RALGAPA2: variants seen among roughly 807,000 people sequenced by gnomAD.
RALGAPA2 encodes the protein Ral GTPase activating protein catalytic subunit alpha 2.
Under a neutral mutation model 230.4 loss-of-function variants are expected in RALGAPA2, and 139 were observed. The observed-to-expected ratio is 0.60, with a 90% CI of 0.53 to 0.69. The LOEUF (loss-of-function observed/expected upper bound fraction) is 0.69, where lower values mean the gene tolerates loss of function less well. Ranked by LOEUF, RALGAPA2 falls within the 30% of genes least tolerant of loss-of-function variation. The pLI is 0.00. For synonymous variants in RALGAPA2, 847 were observed against 837.8 expected, an observed-to-expected ratio of 1.01 and a Z score of -0.19; for missense variants, 2,163 against 2,276.0, an observed-to-expected ratio of 0.95 and a Z score of 1.01.
chr20:20,642,882 A>G (rs1238692382), intron 5 of RALGAPA2, among the ~76,000 whole-genome samples: 1 of 152,232 alleles, frequency 6.6e-6, no homozygotes, highest in Non-Finnish European at 1.5e-5. Flanking sequence ...CAAGTGAATT[A>G]CCTTTCATAA....
intron 20 of RALGAPA2, among the ~76,000 whole-genome samples, chr20:20,574,038 G>A (rs1156995686): frequency 6.6e-6 from 1 of 152,156 alleles, no homozygotes; most frequent in Non-Finnish European, 1.5e-5. Context: ...TGTCCAAAGT[G>A]CTGTTACGGT....
intron 31 of RALGAPA2, among the ~76,000 whole-genome samples, chr20:20,516,220 C>T (rs1341154283): frequency 2.0e-5 from 3 of 152,224 alleles, no homozygotes; most frequent in Non-Finnish European, 4.4e-5. Context: ...TCAACCCTAT[C>T]CCCACCTGTT....
rs182005214 is a variant in RALGAPA2, at chr20:20,707,592, A to T, written c.106+4783T>A. On this transcript the variant is annotated intron_variant, in intron 1 of 39. Coordinates refer to ENST00000202677, the MANE Select transcript of RALGAPA2 (RefSeq NM_020343.4). Reference sequence around the variant, plus strand: ...AAGTCAATTTGTTCCTACCTAGAGCAACATGAGCAACATATGCACAAAAGG... The same window carrying T: ...AAGTCAATTTGTTCCTACCTAGAGCTACATGAGCAACATATGCACAAAAGG... 2.9e-3 allele frequency among the ~76,000 whole-genome samples: 443 copies of T among 152,314 alleles called. 1 individual carries two copies. Among genetic ancestry groups the T allele is most frequent in the Non-Finnish European group, 3.9e-3 (267 of 68,030 alleles).
At chr20:20,431,354 A>AG (rs970157764) in intron 37 of RALGAPA2, among the ~76,000 whole-genome samples, 13 of 152,088 alleles carry the variant, frequency 8.5e-5, no homozygotes, top group African/African-American at 1.9e-4. Flanking sequence ...ATGAGGCTGG[A>AG]GGGGGGAGAA....
At chr20:20,403,235 T>C (rs1474724339) in intron 38 of RALGAPA2, among the ~76,000 whole-genome samples, 1 of 152,224 alleles carries the variant, frequency 6.6e-6, no homozygotes, top group Non-Finnish European at 1.5e-5. Context: ...AAGGAAGGGC[T>C]GCTGTCTGTC....
At chr20:20,622,192 A>G (rs2066344391) in intron 10 of RALGAPA2, among the ~76,000 whole-genome samples, 1 of 152,194 alleles carries the variant, frequency 6.6e-6, no homozygotes, top group Non-Finnish European at 1.5e-5. Flanking sequence ...AAAAGAATGG[A>G]TAAATCAGAA....
intron 13 of RALGAPA2, among the ~76,000 whole-genome samples, chr20:20,611,889 G>A (rs1472221527): frequency 6.6e-6 from 1 of 152,314 alleles, no homozygotes; most frequent in East Asian, 1.9e-4. Flanking sequence ...CACACAGTCA[G>A]TATCTTGGTA....
chr20:20,706,583 C>A (rs1050304308), intron 1 of RALGAPA2, among the ~76,000 whole-genome samples: 3 of 152,130 alleles, frequency 2.0e-5, no homozygotes, highest in Non-Finnish European at 4.4e-5. Flanking sequence ...TATCGTCTGC[C>A]CATGCTCAAA....
chr20:20,665,673 T>G (rs2067935493), intron 3 of RALGAPA2, among the ~76,000 whole-genome samples: 1 of 152,230 alleles, frequency 6.6e-6, no homozygotes, highest in Non-Finnish European at 1.5e-5. Context: ...CCAGGAAAAG[T>G]GCATGCAAAG....
intron 38 of RALGAPA2, among the ~76,000 whole-genome samples, chr20:20,411,258 T>C (rs765871545): frequency 1.2e-4 from 19 of 152,342 alleles, no homozygotes; most frequent in South Asian, 4.1e-4. Context: ...GCAATTAATC[T>C]GTAATTATAT....
At chr20:20,534,817 G>C (rs1227329264) in intron 26 of RALGAPA2, among the ~76,000 whole-genome samples, 1 of 152,060 alleles carries the variant, frequency 6.6e-6, no homozygotes, top group African/African-American at 2.4e-5. Context: ...AAAATTATAG[G>C]CCATCAATAT....
At chr20:20,477,877 T>C (rs75807671) in intron 36 of RALGAPA2, among the ~76,000 whole-genome samples, 4,379 of 152,284 alleles carry the variant, frequency 0.029, 143 homozygotes, top group East Asian at 0.15. Flanking sequence ...CATGAGCCAC[T>C]GTGCCCGGCC....
At chr20:20,452,440 T>C (rs902883207) in intron 37 of RALGAPA2, among the ~76,000 whole-genome samples, 7 of 152,234 alleles carry the variant, frequency 4.6e-5, no homozygotes, top group African/African-American at 1.4e-4. Context: ...CCATATGCCA[T>C]GCGAAGGCCT....
At chr20:20,641,001 T>C in intron 5 of RALGAPA2, 123 bp from the exon 6 acceptor site, 1 of 819,834 alleles carries the variant, frequency 1.2e-6, no homozygotes, top group Non-Finnish European at 1.9e-6. Context: ...GTAAACCAAA[T>C]TCTTCACTTA....
At chr20:20,688,262 C>A (rs961434063) in intron 1 of RALGAPA2, among the ~76,000 whole-genome samples, 2 of 151,642 alleles carry the variant, frequency 1.3e-5, no homozygotes, top group African/African-American at 2.4e-5. Flanking sequence ...GCCAACACTG[C>A]GCCACTGCAC....
intron 10 of RALGAPA2, among the ~76,000 whole-genome samples, chr20:20,628,212 TC>T (rs892414068): frequency 6.6e-6 from 1 of 152,176 alleles, no homozygotes; most frequent in African/African-American, 2.4e-5. Context: ...GTAATGAAAG[TC>T]CCAGAAGTGA....
intron 27 of RALGAPA2, among the ~76,000 whole-genome samples, chr20:20,531,454 G>A (rs375081298): frequency 8.5e-4 from 130 of 152,320 alleles, no homozygotes; most frequent in African/African-American, 3.0e-3. Context: ...AGCCACCAGA[G>A]GAACCCATTT....
At chr20:20,508,053 G>C (rs756628381) in intron 33 of RALGAPA2, among the ~76,000 whole-genome samples, 1 of 152,166 alleles carries the variant, frequency 6.6e-6, no homozygotes, top group Non-Finnish European at 1.5e-5. Context: ...CATTGCAGCT[G>C]TTCCTAAGTC....
chr20:20,458,527 A>G lies in RALGAPA2; in HGVS notation c.5495+14302T>C, dbSNP rs1176033676. On this transcript the variant is annotated intron_variant, in intron 37 of 39. Transcript: ENST00000202677. ...TATATAATATATATGTATTTTATATATATTATATATAATATATATGTATTT... is the reference window on the plus strand; with the variant it reads ...TATATAATATATATGTATTTTATATGTATTATATATAATATATATGTATTT... Among the ~76,000 whole-genome samples, 78 of 136,866 alleles carry G rather than the reference A, an allele frequency of 5.7e-4. 1 individual carries two copies. The highest frequency in any genetic ancestry group is 6.2e-4 in the Non-Finnish European group (40 of 64,682). 89.8% of individuals were successfully genotyped at this position (136,866 alleles called of 152,430 possible).
Sources: allele counts gnomAD v4.1 joint callset (sites outside exome capture counted in the v4.1 genomes callset), GRCh38; gene constraint gnomAD v4.1.1; transcripts MANE v1.5; gene names NCBI Gene and HGNC (gene_info 2026-07-23, HGNC 2026-07-21).